Variants in NKAIN2 observed in about 807,000 individuals in gnomAD.
NKAIN2 encodes the protein sodium/potassium transporting ATPase interacting 2, also known as sodium/potassium-transporting ATPase subunit beta-1-interacting protein 2.
NKAIN2 carries 14 observed loss-of-function variants against 32.6 expected under a neutral mutation model. The ratio of observed to expected loss-of-function variants is 0.43; its 90% CI spans 0.28 to 0.67. The LOEUF (loss-of-function observed/expected upper bound fraction) is 0.67. Among genes scored for constraint, NKAIN2 ranks in the 30% least tolerant of loss-of-function variants. NKAIN2 has a pLI of 0.17. For missense variants in NKAIN2, 198 were observed against 258.3 expected (o/e 0.77, Z 1.60); for synonymous variants, 80 against 87.2 (o/e 0.92, Z 0.46).
intron 1 of NKAIN2, among the ~76,000 whole-genome samples, chr6:123,947,542 G>A (rs539975063): frequency 6.6e-6 from 1 of 152,218 alleles, no homozygotes; most frequent in Non-Finnish European, 1.5e-5. Context: ...AAAAGCATGT[G>A]TCTGAACTGC....
chr6:124,007,587 G>A (rs764809334), intron 1 of NKAIN2, among the ~76,000 whole-genome samples: 1 of 152,138 alleles, frequency 6.6e-6, no homozygotes, highest in Non-Finnish European at 1.5e-5. Context: ...CTTAAGGCAG[G>A]ATTAAGGGAA....
intron 4 of NKAIN2, among the ~76,000 whole-genome samples, chr6:124,709,726 C>A (rs1775330120): frequency 6.6e-6 from 1 of 151,340 alleles, no homozygotes; most frequent in Admixed American, 6.6e-5. Flanking sequence ...TGATTCTTCT[C>A]TTTTTTCTTT....
intron 1 of NKAIN2, among the ~76,000 whole-genome samples, chr6:123,934,099 A>G (rs1279464659): frequency 6.6e-6 from 1 of 152,194 alleles, no homozygotes; most frequent in African/African-American, 2.4e-5. Flanking sequence ...GAAATCAACA[A>G]CAACTACTGC....
intron 1 of NKAIN2, among the ~76,000 whole-genome samples, chr6:123,981,261 A>G (rs1778885300): frequency 6.6e-6 from 1 of 152,208 alleles, no homozygotes; most frequent in South Asian, 2.1e-4. Context: ...CTTTGAAGGT[A>G]AAGAAAGCTT....
At chr6:124,242,155 A>G (rs1372064983) in intron 1 of NKAIN2, among the ~76,000 whole-genome samples, 1 of 152,184 alleles carries the variant, frequency 6.6e-6, no homozygotes, top group Non-Finnish European at 1.5e-5. Context: ...CCATCTGACA[A>G]AGAGCTAATA....
chr6:124,404,028 AT>A (rs1245531405), intron 3 of NKAIN2, among the ~76,000 whole-genome samples: 3 of 152,080 alleles, frequency 2.0e-5, no homozygotes, highest in Non-Finnish European at 4.4e-5. Context: ...ATTTATATTT[AT>A]TCTTGTCTGC....
intron 1 of NKAIN2, among the ~76,000 whole-genome samples, chr6:124,129,553 C>T (rs1786349914): frequency 1.3e-5 from 2 of 152,138 alleles, no homozygotes; most frequent in South Asian, 2.1e-4. Flanking sequence ...GTTTGCTACT[C>T]CAGAATTAGG....
chr6:124,203,587 A>G (rs1450054446), intron 1 of NKAIN2, among the ~76,000 whole-genome samples: 1 of 151,846 alleles, frequency 6.6e-6, no homozygotes, highest in Non-Finnish European at 1.5e-5. Context: ...TGAGAGAGAA[A>G]GGGCATTAGA....
chr6:124,665,195 G>A (rs1772730462), intron 4 of NKAIN2, among the ~76,000 whole-genome samples: 1 of 151,928 alleles, frequency 6.6e-6, no homozygotes, highest in Non-Finnish European at 1.5e-5. Context: ...CAAAACACCA[G>A]AATAATCAAA....
At chr6:124,391,524 T>G (rs577295323) in intron 3 of NKAIN2, among the ~76,000 whole-genome samples, 3 of 152,252 alleles carry the variant, frequency 2.0e-5, no homozygotes, top group Admixed American at 6.5e-5. Context: ...TACAGAGCAG[T>G]GGACTCTGAA....
intron 1 of NKAIN2, among the ~76,000 whole-genome samples, chr6:123,833,796 C>T (rs111583980): frequency 8.2e-4 from 122 of 148,946 alleles, no homozygotes; most frequent in African/African-American, 2.8e-3. Flanking sequence ...GGCACGATCT[C>T]GGCTCACTGC....
intron 2 of NKAIN2, among the ~76,000 whole-genome samples, chr6:124,288,948 G>T (rs1436567596): frequency 6.8e-6 from 1 of 147,488 alleles, no homozygotes; most frequent in Non-Finnish European, 1.5e-5. Context: ...AAATGAAGGA[G>T]AAATATTGGG....
At chr6:124,206,205 A>G (rs1790874623) in intron 1 of NKAIN2, among the ~76,000 whole-genome samples, 1 of 151,920 alleles carries the variant, frequency 6.6e-6, no homozygotes, top group African/African-American at 2.4e-5. Flanking sequence ...GCACGAGCCT[A>G]AAGAATTAAC....
In NKAIN2 at chr6:124,019,152, A is replaced by C. The variant is rs1428585393; in HGVS notation, c.54+214898A>C. ...AGCATGGGAAAGACCCACCCACATGATTCAATTACCTCCCACTGGGTCCCT... is the reference window on the plus strand; with the variant it reads ...AGCATGGGAAAGACCCACCCACATGCTTCAATTACCTCCCACTGGGTCCCT... On this transcript the variant is annotated intron_variant, in intron 1 of 6. Transcript: ENST00000368417. Among the ~76,000 whole-genome samples, 3 of 152,118 alleles carry C rather than the reference A, an allele frequency of 2.0e-5. No individual in the cohort carries two copies. In the East Asian group the frequency reaches 5.8e-4, roughly 29 times the overall value.
At chr6:124,283,321 T>C in intron 2 of NKAIN2, 179 bp downstream of exon 2, 1 of 509,716 alleles carries the variant, frequency 2.0e-6, no homozygotes, top group South Asian at 2.8e-5. Flanking sequence ...AAATGTCAGG[T>C]TTAAGGCACT....
At chr6:124,176,585 G>A (rs1174537458) in intron 1 of NKAIN2, among the ~76,000 whole-genome samples, 1 of 152,072 alleles carries the variant, frequency 6.6e-6, no homozygotes, top group African/African-American at 2.4e-5. Context: ...TTTATAAACA[G>A]TGTTGTTAAC....
rs368533224 is a variant in NKAIN2 at position 124,145,963 on chromosome 6, GAAACTATACATATAAT to G, written c.55-137041_55-137026del. ...ATCTTGACTGTGGGAGTAGGTACATGAAACTATACATATAATTGTGTGCAAATACACATAAATGAAT... is the reference window on the plus strand; with the variant it reads ...ATCTTGACTGTGGGAGTAGGTACATGTGTGTGCAAATACACATAAATGAAT... On this transcript the variant is annotated intron_variant, in intron 1 of 6. Transcript: ENST00000368417. Among the ~76,000 whole-genome samples, 792 of 152,266 alleles carry G rather than the reference GAAACTATACATATAAT, an allele frequency of 5.2e-3. 5 individuals are homozygous for G. Among genetic ancestry groups the G allele is most frequent in the African/African-American group, 0.018 (731 of 41,556 alleles).
At chr6:124,069,766 A>T (rs1783353112) in intron 1 of NKAIN2, among the ~76,000 whole-genome samples, 1 of 152,146 alleles carries the variant, frequency 6.6e-6, no homozygotes, top group Admixed American at 6.6e-5. Flanking sequence ...CACCTGCCTC[A>T]ACCAAGGACA....
At chr6:123,851,711 T>TA (rs1168602729) in intron 1 of NKAIN2, among the ~76,000 whole-genome samples, 2 of 152,136 alleles carry the variant, frequency 1.3e-5, no homozygotes, top group African/African-American at 4.8e-5. Flanking sequence ...TCGAGCTTTT[T>TA]AAAAAAATAT....
Sources: gnomAD v4.1 joint callset for allele counts (sites outside exome capture counted in the v4.1 genomes callset) on GRCh38, gnomAD v4.1.1 for gene constraint, MANE v1.5 for transcripts, NCBI Gene and HGNC (gene_info 2026-07-23, HGNC 2026-07-21) for gene names.